Variants in TBC1D32 observed in about 807,000 individuals in gnomAD.
TBC1D32 encodes the protein TBC1 domain family member 32, also known as protein broad-minded.
In TBC1D32, 151 loss-of-function variants were observed where a neutral mutation model predicts 170.3. That is an observed-to-expected ratio of 0.89 (90% CI 0.78 to 1.01). The LOEUF (loss-of-function observed/expected upper bound fraction) is 1.01. TBC1D32 is among the 50% of genes least tolerant of loss of function. The probability of loss-of-function intolerance (pLI) is 0.00; values close to 1 mark genes in which losing one functional copy is unlikely to be tolerated. For missense variants in TBC1D32, 1,464 were observed against 1,457.1 expected, an observed-to-expected ratio of 1.00 and a Z score of -0.08; for synonymous variants, 498 against 488.0, an observed-to-expected ratio of 1.02 and a Z score of -0.27.
At chr6:121,279,500 T>C (rs1802697979) in intron 14 of TBC1D32, among the ~76,000 whole-genome samples, 1 of 152,014 alleles carries the variant, frequency 6.6e-6, no homozygotes, top group Admixed American at 6.6e-5. Flanking sequence ...ATTGCTGCTC[T>C]TGTTACAGTT....
intron 1 of TBC1D32, among the ~76,000 whole-genome samples, chr6:121,327,347 A>T (rs1810587067): frequency 6.6e-6 from 1 of 152,202 alleles, no homozygotes; most frequent in African/African-American, 2.4e-5. Context: ...TGTTTCCTAC[A>T]TTGTAATCCT....
intron 15 of TBC1D32, among the ~76,000 whole-genome samples, chr6:121,260,595 A>C (rs148152423): frequency 6.6e-6 from 1 of 152,174 alleles, no homozygotes; most frequent in Non-Finnish European, 1.5e-5. Context: ...ATGGTGATTG[A>C]GCATGCTACC....
chr6:121,249,660 T>C (rs1583396078), intron 17 of TBC1D32, among the ~76,000 whole-genome samples: 1 of 152,194 alleles, frequency 6.6e-6, no homozygotes, highest in South Asian at 2.1e-4. Flanking sequence ...GTAGCACTGC[T>C]ATACATCAGC....
chr6:121,316,695 A>G (rs1364677117), intron 3 of TBC1D32, among the ~76,000 whole-genome samples: 1 of 152,196 alleles, frequency 6.6e-6, no homozygotes, highest in Non-Finnish European at 1.5e-5. Flanking sequence ...TCAATCATGC[A>G]GTCCCAACTT....
intron 30 of TBC1D32, among the ~76,000 whole-genome samples, chr6:121,091,413 A>G (rs1039906770): frequency 4.6e-5 from 7 of 151,896 alleles, no homozygotes. Flanking sequence ...TTTTTTCTAT[A>G]CTACCTACAA....
At chr6:121,125,849 C>G (rs1254708648) in intron 26 of TBC1D32, among the ~76,000 whole-genome samples, 1 of 152,170 alleles carries the variant, frequency 6.6e-6, no homozygotes, top group Non-Finnish European at 1.5e-5. Context: ...ACTGGGCCCT[C>G]TGAGTATCTG....
chr6:121,237,116 T>G (rs1403083510), intron 20 of TBC1D32: 1 of 152,038 alleles, frequency 6.6e-6, no homozygotes, highest in African/African-American at 2.4e-5. Context: ...TTTTAAAATT[T>G]CTTTCACTTT....
rs751628250 is a variant in TBC1D32, at chr6:121,160,049, A to T, written c.2734T>A (p.Tyr912Asn). Reference sequence around the variant, plus strand: ...GCATTTCTTGTAATGTCTGACAGATAGCAGTTTGGCAATGGATATGATGAA... The same window carrying T: ...GCATTTCTTGTAATGTCTGACAGATTGCAGTTTGGCAATGGATATGATGAA... Reference protein sequence around the residue: ...MFSSYPLPNCYLSDITRNAGI... With the variant: ...MFSSYPLPNCNLSDITRNAGI... The change falls in exon 24 of 32, where the codon TAT becomes AAT. Residue 912 changes from tyrosine to asparagine, a missense_variant. Physicochemically the swap from Tyr to Asn is moderately radical, Grantham distance 143. This residue lies in a region of TBC1D32 where 1,363 missense variants were observed against 1,338.1 expected (regional missense o/e 1.02). Coordinates refer to ENST00000398212, the MANE Select transcript of TBC1D32 (RefSeq NM_152730.6). The T allele has an allele frequency of 5.0e-6, 8 of 1,609,116 alleles. No homozygotes were observed. Among genetic ancestry groups the T allele is most frequent in the Non-Finnish European group, 5.1e-6 (6 of 1,176,400 alleles).
At chr6:121,114,600 C>T (rs989753776) in intron 27 of TBC1D32, among the ~76,000 whole-genome samples, 3 of 152,106 alleles carry the variant, frequency 2.0e-5, no homozygotes, top group Admixed American at 6.6e-5. Flanking sequence ...AAATCTTACA[C>T]GTATCTTTTT....
At chr6:121,100,555 C>T (rs1777914257) in intron 30 of TBC1D32, among the ~76,000 whole-genome samples, 2 of 152,082 alleles carry the variant, frequency 1.3e-5, no homozygotes, top group South Asian at 4.1e-4. Context: ...AAAGACACAA[C>T]ATACCAGAAT....
intron 4 of TBC1D32, among the ~76,000 whole-genome samples, chr6:121,310,564 C>T (rs1381206917): frequency 1.3e-5 from 2 of 152,106 alleles, no homozygotes; most frequent in Admixed American, 6.6e-5. Flanking sequence ...TAAAAATTTC[C>T]TCTTCCAAAC....
chr6:121,208,063 G>T lies in TBC1D32; in HGVS notation c.2482-2900C>A, dbSNP rs560378424. 5.3e-5 allele frequency among the ~76,000 whole-genome samples: 8 copies of T among 151,058 alleles called. No homozygotes were observed. In the East Asian group the frequency reaches 1.4e-3, roughly 26 times the overall value. ...AAGTAGAGGAAAAGGCTGCTCTCCT[G>T]TTTGGGGTTTTAGAGAGTTAAATGG... is the stretch of plus-strand genomic sequence containing the variant. On this transcript the variant is annotated intron_variant, in intron 21 of 31. Coordinates refer to ENST00000398212, the MANE Select transcript of TBC1D32 (RefSeq NM_152730.6).
chr6:121,123,869 GT>G (rs557364768), intron 26 of TBC1D32, among the ~76,000 whole-genome samples: 2 of 146,598 alleles, frequency 1.4e-5, no homozygotes, highest in Non-Finnish European at 3.0e-5. Flanking sequence ...TCTATTATAG[GT>G]TTTTTTTTGT....
intron 24 of TBC1D32, among the ~76,000 whole-genome samples, chr6:121,147,072 T>A (rs535653546): frequency 2.2e-4 from 34 of 152,308 alleles, no homozygotes; most frequent in South Asian, 1.9e-3. Flanking sequence ...ATATGCAGTA[T>A]TTGGTTTTCT....
intron 28 of TBC1D32, 97 bp from the exon 29 acceptor site, chr6:121,112,756 G>A: frequency 9.2e-7 from 1 of 1,086,450 alleles, no homozygotes; most frequent in Admixed American, 3.5e-5. Flanking sequence ...ATAAAAAGCA[G>A]ACATTCTTAT....
In TBC1D32 at chr6:121,269,757, T is replaced by C. The variant is rs576140202; in HGVS notation, c.1733+9364A>G. ...GAATTGAACTCAGCTCTGCACCAAG[T>C]AGACCTAATAGACATCTACAGAACT... On this transcript the variant is annotated intron_variant, in intron 15 of 31. Coordinates refer to ENST00000398212, the MANE Select transcript of TBC1D32 (RefSeq NM_152730.6). Among the ~76,000 whole-genome samples, 75 of 152,154 alleles carry C rather than the reference T, an allele frequency of 4.9e-4. 1 individual carries two copies. Among genetic ancestry groups the C allele is most frequent in the African/African-American group, 1.3e-3 (54 of 41,500 alleles).
intron 24 of TBC1D32, among the ~76,000 whole-genome samples, chr6:121,153,858 T>C (rs757959727): frequency 2.0e-5 from 3 of 152,054 alleles, no homozygotes; most frequent in Non-Finnish European, 2.9e-5. Context: ...AGCTTGCGTA[T>C]ACCAGGTCGA....
intron 22 of TBC1D32, among the ~76,000 whole-genome samples, chr6:121,171,006 T>G (rs1786902994): frequency 6.6e-6 from 1 of 151,996 alleles, no homozygotes; most frequent in African/African-American, 2.4e-5. Flanking sequence ...AGCCCACTTA[T>G]CTATCTTAAT....
At chr6:121,288,398 T>C (rs1222638122) in intron 12 of TBC1D32, among the ~76,000 whole-genome samples, 1 of 151,826 alleles carries the variant, frequency 6.6e-6, no homozygotes, top group Non-Finnish European at 1.5e-5. Flanking sequence ...AACTAGAAAA[T>C]CTAGAAGAAA....
Sources: gnomAD v4.1 joint callset for allele counts (sites outside exome capture counted in the v4.1 genomes callset) on GRCh38, gnomAD v4.1.1 for gene constraint, gnomAD v4.1.1 regional missense constraint, MANE v1.5 for transcripts, NCBI Gene and HGNC (gene_info 2026-07-23, HGNC 2026-07-21) for gene names.